The following CACHD1 variants were observed in gnomAD, a reference collection of about 807,000 sequenced individuals.
CACHD1 encodes cache domain containing 1.
CACHD1 carries 71 observed loss-of-function variants against 138.7 expected under a neutral mutation model. The ratio of observed to expected loss-of-function variants is 0.51; its 90% CI spans 0.42 to 0.62. The LOEUF (loss-of-function observed/expected upper bound fraction) is 0.62. CACHD1 is among the 20% of genes least tolerant of loss of function. The probability of loss-of-function intolerance (pLI) is 0.00; values close to 1 mark genes in which losing one functional copy is unlikely to be tolerated. For missense variants in CACHD1, 1,389 were observed against 1,625.3 expected (o/e 0.85, Z 2.50); for synonymous variants, 578 against 591.5 (o/e 0.98, Z 0.33).
intron 1 of CACHD1, among the ~76,000 whole-genome samples, chr1:64,520,389 C>T (rs1366886554): frequency 6.6e-6 from 1 of 152,178 alleles, no homozygotes; most frequent in Admixed American, 6.5e-5. Context: ...TGCTAATTGG[C>T]AAAGGGCCTG....
chr1:64,483,654 G>A (rs1448446942), intron 1 of CACHD1, among the ~76,000 whole-genome samples: 1 of 143,600 alleles, frequency 7.0e-6, no homozygotes, highest in Non-Finnish European at 1.5e-5. Context: ...GACCAGTGTA[G>A]GCAACATGGT....
chr1:64,569,426 C>A (rs1435323026), intron 2 of CACHD1, among the ~76,000 whole-genome samples: 1 of 152,086 alleles, frequency 6.6e-6, no homozygotes, highest in Non-Finnish European at 1.5e-5. Context: ...GTTGTTTGAG[C>A]AAAACCACAG....
intron 13 of CACHD1, among the ~76,000 whole-genome samples, chr1:64,660,516 T>C (rs1649406236): frequency 6.6e-6 from 1 of 152,020 alleles, no homozygotes; most frequent in Non-Finnish European, 1.5e-5. Context: ...TACTTTTTGC[T>C]TTGCTTTTTT....
intron 1 of CACHD1, among the ~76,000 whole-genome samples, chr1:64,512,384 A>G (rs1646427192): frequency 9.1e-6 from 1 of 110,186 alleles, no homozygotes; most frequent in African/African-American, 3.5e-5. Flanking sequence ...ACACAGTGAG[A>G]CTGTGTCTCA....
At chr1:64,503,392 A>AG (rs1436949018) in intron 1 of CACHD1, among the ~76,000 whole-genome samples, 5 of 152,222 alleles carry the variant, frequency 3.3e-5, no homozygotes, top group South Asian at 4.1e-4. Context: ...TACATGGAAA[A>AG]CCCAAAACAA....
intron 1 of CACHD1, 100 bp downstream of exon 1, chr1:64,471,042 C>G: frequency 8.2e-7 from 1 of 1,217,254 alleles, no homozygotes. Flanking sequence ...TGCATCGGCT[C>G]CTTGCATACA....
chr1:64,614,316 G>A (rs1190231106), intron 4 of CACHD1, among the ~76,000 whole-genome samples: 3 of 151,058 alleles, frequency 2.0e-5, no homozygotes, highest in Non-Finnish European at 2.9e-5. Context: ...ATTTGGTCTG[G>A]ACAGCTGAGT....
intron 13 of CACHD1, among the ~76,000 whole-genome samples, chr1:64,661,742 C>G (rs1439181914): frequency 6.6e-6 from 1 of 152,156 alleles, no homozygotes; most frequent in Non-Finnish European, 1.5e-5. Context: ...CTAACCTTTT[C>G]CAGCCTCTGG....
At chr1:64,601,650 G>A (rs1028077821) in intron 3 of CACHD1, among the ~76,000 whole-genome samples, 3 of 152,148 alleles carry the variant, frequency 2.0e-5, no homozygotes, top group Non-Finnish European at 2.9e-5. Flanking sequence ...TCAGTTCCAC[G>A]TGTTCTTATG....
rs370349068 is a variant in CACHD1 at position 64,517,847 on chromosome 1, C to T, written c.199-32747C>T. ...CCTTTTACACTTGAAAAGTATATTC[C>T]ACCACCCCAGGGTAGCTGCCCTGCC... is the stretch of plus-strand genomic sequence containing the variant. On this transcript the variant is annotated intron_variant, in intron 1 of 26. Coordinates refer to ENST00000651257, the MANE Select transcript of CACHD1 (RefSeq NM_020925.4). 3.3e-5 allele frequency among the ~76,000 whole-genome samples: 5 copies of T among 152,136 alleles called. No homozygotes were observed. In the South Asian group the frequency reaches 6.2e-4, roughly 19 times the overall value.
At position 64,556,822 on chromosome 1, in the gene CACHD1, G is replaced by T. The variant is rs371685773; in HGVS notation, c.261+6166G>T. On this transcript the variant is annotated intron_variant, in intron 2 of 26. Coordinates refer to ENST00000651257, the MANE Select transcript of CACHD1 (RefSeq NM_020925.4). ...AGCCTTGGAAAAATTAAAATTCCAC[G>T]CACACATTCTTGTGTGGAACACCTC... Among the ~76,000 whole-genome samples, 33 of 152,188 alleles carry T rather than the reference G, an allele frequency of 2.2e-4. 1 individual carries two copies. In the South Asian group the frequency reaches 6.6e-3, roughly 31 times the overall value.
At chr1:64,548,364 G>A (rs1646733405) in intron 1 of CACHD1, among the ~76,000 whole-genome samples, 1 of 152,170 alleles carries the variant, frequency 6.6e-6, no homozygotes, top group Non-Finnish European at 1.5e-5. Context: ...AAGATCTGGA[G>A]TCACTATATG....
intron 2 of CACHD1, among the ~76,000 whole-genome samples, chr1:64,567,428 A>G (rs2100501056): frequency 6.6e-6 from 1 of 152,254 alleles, no homozygotes; most frequent in Non-Finnish European, 1.5e-5. Flanking sequence ...ATCGTGTTGC[A>G]TTTTGGAAAA....
intron 4 of CACHD1, among the ~76,000 whole-genome samples, chr1:64,610,157 C>G (rs765454165): frequency 1.3e-5 from 2 of 152,174 alleles, no homozygotes; most frequent in Non-Finnish European, 2.9e-5. Flanking sequence ...CCCACTGGGT[C>G]CCTCCCATGA....
intron 1 of CACHD1, among the ~76,000 whole-genome samples, chr1:64,531,518 TGTGTGTGTG>T (rs1179752623): frequency 2.6e-5 from 4 of 152,006 alleles, no homozygotes; most frequent in Non-Finnish European, 5.9e-5. Flanking sequence ...TGTGTGTGTG[TGTGTGTGTG>T]TGTCTGTGTA....
At chr1:64,667,618 A>G (rs982843977) in intron 16 of CACHD1, among the ~76,000 whole-genome samples, 2 of 152,238 alleles carry the variant, frequency 1.3e-5, no homozygotes, top group Admixed American at 1.3e-4. Flanking sequence ...GTGACTTGTC[A>G]TGCCTCCCAT....
chr1:64,582,372 A>T, intron 3 of CACHD1, 68 bp downstream of exon 3: 1 of 1,363,312 alleles, frequency 7.3e-7, no homozygotes, highest in Admixed American at 1.8e-5. Flanking sequence ...TTCATTTCAT[A>T]TTCAAAATAC....
chr1:64,634,361 T>C, intron 7 of CACHD1, 101 bp downstream of exon 7: 1 of 439,200 alleles, frequency 2.3e-6, no homozygotes. Flanking sequence ...AGAGATTTTA[T>C]TTATTTATTT....
rs916717744 is a variant in CACHD1, at chr1:64,632,830, T to A, written c.789+87T>A. 11 of 1,451,262 alleles carry A rather than the reference T, an allele frequency of 7.6e-6. No individual in the cohort carries two copies. In the African/African-American group the frequency reaches 1.5e-4, roughly 20 times the overall value. The allele number at this position is 1,451,262 out of a possible 1,614,324, so 89.9% of individuals were successfully genotyped here. ...ACTTTATTGTTTTGTGATATACAGA[T>A]CCTCCTTGACTTACAATGGGGTTAC... On this transcript the variant is annotated intron_variant, in intron 6 of 26. Transcript: ENST00000651257.
Sources: allele counts gnomAD v4.1 joint callset (sites outside exome capture counted in the v4.1 genomes callset), GRCh38; gene constraint gnomAD v4.1.1; transcripts MANE v1.5; gene names NCBI Gene and HGNC (gene_info 2026-07-23, HGNC 2026-07-21).